UNC45A: variants seen among roughly 807,000 people sequenced by gnomAD.
UNC45A encodes the protein protein unc-45 homolog A.
Under a neutral mutation model 103.2 loss-of-function variants are expected in UNC45A, and 78 were observed. That is an observed-to-expected ratio of 0.76 (90% CI 0.63 to 0.91). UNC45A has a LOEUF of 0.91. UNC45A is among the 40% of genes least tolerant of loss of function. The probability of loss-of-function intolerance (pLI) is 0.00; values close to 1 mark genes in which losing one functional copy is unlikely to be tolerated. For missense variants in UNC45A, 1,193 were observed against 1,224.8 expected, an observed-to-expected ratio of 0.97 and a Z score of 0.39; for synonymous variants, 495 against 504.6, an observed-to-expected ratio of 0.98 and a Z score of 0.25.
intron 9 of UNC45A, 47 bp from the exon 10 acceptor site, chr15:90,946,567 C>T (rs1254683341): frequency 6.5e-7 from 1 of 1,529,698 alleles, no homozygotes; most frequent in Non-Finnish European, 8.8e-7. Context: ...AAGAAGAGTC[C>T]CTTTATGTTG....
rs768369843 is a variant in UNC45A at position 90,953,640 on chromosome 15, T to A, written c.2759T>A (p.Val920Asp). 9.9e-6 allele frequency: 16 copies of A among 1,613,994 alleles called. 1 individual carries two copies. The Middle Eastern group carries it at 8.2e-4, about 83-fold the overall frequency. ...SVLAKGDHSP[V>D]TRAAAACLDK... Reference sequence around the variant, plus strand: ...CTAGCTAAGGGTGACCACAGCCCTGTCACAAGGGCTGCTGCAGCCTGCCTG... The same window carrying A: ...CTAGCTAAGGGTGACCACAGCCCTGACACAAGGGCTGCTGCAGCCTGCCTG... Residue 920 changes from valine to aspartate, a missense_variant, in exon 20 of 20, where the codon GTC becomes GAC. Val to Asp is a radical substitution (Grantham distance 152, BLOSUM62 -3). Coordinates refer to ENST00000418476, the MANE Select transcript of UNC45A (RefSeq NM_018671.5).
In UNC45A at chr15:90,949,375, G is replaced by C. The variant is rs776367858; in HGVS notation, c.1938G>C (p.Ser646=). 6.2e-7 allele frequency: 1 copy of C among 1,613,560 alleles called. No individual in the cohort carries two copies. Among genetic ancestry groups the C allele is most frequent in the Non-Finnish European group, 8.5e-7 (1 of 1,180,014 alleles). The change falls in exon 14 of 20, where the codon TCG becomes TCC. Residue 646 remains serine (S), a synonymous_variant. Coordinates refer to ENST00000418476, the MANE Select transcript of UNC45A (RefSeq NM_018671.5). ...AGCTGCTGGCAGCGGGTGTGGTGTC[G>C]GCCATGGTGTGCATGGTGAAGACGG... ...VKKLLAAGVV[S]AMVCMVKTES...
Position 90,942,612 on chromosome 15 carries a change from G to T in UNC45A, c.856+7G>T. 6.2e-7 allele frequency: 1 copy of T among 1,614,166 alleles called. No individual in the cohort carries two copies. Among genetic ancestry groups the T allele is most frequent in the South Asian group, 1.1e-5 (1 of 91,068 alleles). On this transcript the variant is annotated splice_region_variant and intron_variant, in intron 7 of 19. Transcript: ENST00000418476. ...GAAGGTGCCATCATTGTGGGTGAGT[G>T]GAAGCAGGTCTGGGGTCTTTTGGAC...
intron 4 of UNC45A, among the ~76,000 whole-genome samples, chr15:90,938,589 T>G (rs1164338924): frequency 6.6e-6 from 1 of 152,116 alleles, no homozygotes; most frequent in Non-Finnish European, 1.5e-5. Context: ...GTCCACATGC[T>G]AGGCTTGTGC....
rs768194954 is a variant in UNC45A at position 90,948,195 on chromosome 15, G to A, written c.1649G>A (p.Gly550Asp). 6.2e-7 allele frequency: 1 copy of A among 1,614,154 alleles called. No homozygotes were observed. Among genetic ancestry groups the A allele is most frequent in the South Asian group, 1.1e-5 (1 of 91,080 alleles). Reference sequence around the variant, plus strand: ...GGCACTCGGCGCTGGGCAGTGGAGGGCCTGGCTTACCTGACCTTTGATGCC... The same window carrying A: ...GGCACTCGGCGCTGGGCAGTGGAGGACCTGGCTTACCTGACCTTTGATGCC... ...DAGTRRWAVE[G>D]LAYLTFDADV... The change falls in exon 12 of 20, where the codon GGC becomes GAC. Residue 550 changes from glycine (G) to aspartate (D), a missense_variant. Physicochemically the swap from Gly to Asp is moderately conservative, Grantham distance 94. Coordinates refer to ENST00000418476, the MANE Select transcript of UNC45A (RefSeq NM_018671.5).
chr15:90,949,318 C>A lies in UNC45A; in HGVS notation c.1881C>A (p.Asp627Glu), dbSNP rs781083143. The change falls in exon 14 of 20, where the codon GAC becomes GAA. Residue 627 changes from aspartate (D) to glutamate (E), a missense_variant and splice_region_variant. Coordinates refer to ENST00000418476, the MANE Select transcript of UNC45A (RefSeq NM_018671.5). ...TCCTAAGCTGCCTCCTCCCCCAGGACAAGCCAAGCTTCGTGCGGGCTCGGG... is the reference window on the plus strand; with the variant it reads ...TCCTAAGCTGCCTCCTCCCCCAGGAAAAGCCAAGCTTCGTGCGGGCTCGGG... ...KQHVPEQHPK[D>E]KPSFVRARVK... The A allele has an allele frequency of 4.3e-6, 7 of 1,611,488 alleles. No homozygotes were observed. Among genetic ancestry groups the A allele is most frequent in the Non-Finnish European group, 5.9e-6 (7 of 1,179,902 alleles).
upstream of UNC45A, chr15:90,932,461 G>T (rs143797628): frequency 2.3e-6 from 3 of 1,332,470 alleles, no homozygotes; most frequent in Non-Finnish European, 2.9e-6. Context: ...GGTCCCCTCG[G>T]GGTCCTTCCG....
At chr15:90,943,948 C>T (rs2036423107) in intron 8 of UNC45A, among the ~76,000 whole-genome samples, 2 of 146,420 alleles carry the variant, frequency 1.4e-5, no homozygotes, top group South Asian at 4.4e-4. Context: ...CTTGGTCTCC[C>T]AAAGTGTTGG....
upstream of UNC45A, chr15:90,934,228 G>T (rs1190720842): frequency 2.5e-6 from 1 of 399,588 alleles, no homozygotes; most frequent in Non-Finnish European, 4.4e-6. Context: ...TGGGTGGAAG[G>T]GCATCTTTTC....
chr15:90,939,259 G>T (rs1486792514), intron 4 of UNC45A, among the ~76,000 whole-genome samples: 1 of 152,234 alleles, frequency 6.6e-6, no homozygotes, highest in Admixed American at 6.5e-5. Flanking sequence ...GGGATTACAG[G>T]CGGGAGCCAC....
intron 5 of UNC45A, 34 bp downstream of exon 5, chr15:90,939,857 C>T: frequency 1.3e-6 from 2 of 1,598,964 alleles, no homozygotes; most frequent in Non-Finnish European, 1.7e-6. Flanking sequence ...TGAGTGAGCT[C>T]CCACTAGAGC....
At chr15:90,938,077 G>T (rs1478541179) in intron 4 of UNC45A, among the ~76,000 whole-genome samples, 1 of 152,206 alleles carries the variant, frequency 6.6e-6, no homozygotes, top group African/African-American at 2.4e-5. Context: ...GATAACAGGC[G>T]TGAGCCATGG....
chr15:90,938,593 C>G (rs1478211598), intron 4 of UNC45A, among the ~76,000 whole-genome samples: 1 of 152,106 alleles, frequency 6.6e-6, no homozygotes, highest in Non-Finnish European at 1.5e-5. Flanking sequence ...ACATGCTAGG[C>G]TTGTGCCACC....
intron 8 of UNC45A, among the ~76,000 whole-genome samples, chr15:90,944,666 C>A (rs1018240074): frequency 1.3e-5 from 2 of 152,128 alleles, no homozygotes; most frequent in African/African-American, 4.8e-5. Context: ...GCCCCAGGGG[C>A]AGGGCTGGCA....
chr15:90,950,418 G>T, intron 16 of UNC45A, 82 bp from the exon 17 acceptor site: 1 of 1,507,796 alleles, frequency 6.6e-7, no homozygotes, highest in Non-Finnish European at 9.1e-7. Flanking sequence ...TACTCTCTTG[G>T]GGGTGGGCTT....
chr15:90,950,211 G>A lies in UNC45A; in HGVS notation c.2131G>A (p.Ala711Thr), dbSNP rs1428950626. The change falls in exon 16 of 20, where the codon GCC (alanine) becomes ACC (threonine). Residue 711 changes from alanine to threonine, a missense_variant. By Grantham distance (58) the Ala-to-Thr change is moderately conservative. Transcript: ENST00000418476. ...TDVGQTKAAQ[A>T]LAKLTITSNP... ...CGTGGGGCAGACAAAGGCAGCCCAGGCCCTTGCCAAGCTCACCATCACCTC... is the reference window on the plus strand; with the variant it reads ...CGTGGGGCAGACAAAGGCAGCCCAGACCCTTGCCAAGCTCACCATCACCTC... The A allele has an allele frequency of 1.3e-6, 2 of 1,551,756 alleles. No homozygotes were observed. The highest frequency in any genetic ancestry group is 1.7e-4 in the Middle Eastern group (1 of 5,980).
At chr15:90,949,585 G>A (rs977141533) in intron 14 of UNC45A, 69 bp from the exon 15 acceptor site, 4 of 1,608,550 alleles carry the variant, frequency 2.5e-6, no homozygotes, top group African/African-American at 2.7e-5. Flanking sequence ...TCTTTGCTGA[G>A]CCTAGGAGTG....
chr15:90,949,383 T>C lies in UNC45A; in HGVS notation c.1946T>C (p.Val649Ala). 6.2e-7 allele frequency: 1 copy of C among 1,613,662 alleles called. No homozygotes were observed. The highest frequency in any genetic ancestry group is 1.7e-5 in the Admixed American group (1 of 60,008). ...LLAAGVVSAMVCMVKTESPVL... is the reference protein window; with the variant it reads ...LLAAGVVSAMACMVKTESPVL... ...GCAGCGGGTGTGGTGTCGGCCATGGTGTGCATGGTGAAGACGGAGAGCCCT... is the reference window on the plus strand; with the variant it reads ...GCAGCGGGTGTGGTGTCGGCCATGGCGTGCATGGTGAAGACGGAGAGCCCT... The change falls in exon 14 of 20, where the codon GTG becomes GCG. Residue 649 changes from valine to alanine, a missense_variant. Physicochemically the swap from Val to Ala is moderately conservative, Grantham distance 64. Coordinates refer to ENST00000418476, the MANE Select transcript of UNC45A (RefSeq NM_018671.5).
chr15:90,931,827 G>A, upstream of UNC45A: 1 of 1,614,130 alleles, frequency 6.2e-7, no homozygotes, highest in African/African-American at 1.3e-5. Flanking sequence ...TCCAGCTTGG[G>A]CAGAGTCTTG....
Sources: allele counts gnomAD v4.1 joint callset (sites outside exome capture counted in the v4.1 genomes callset), GRCh38; gene constraint gnomAD v4.1.1; transcripts MANE v1.5; gene names NCBI Gene and HGNC (gene_info 2026-07-23, HGNC 2026-07-21).